WDR19: variants seen among roughly 807,000 people sequenced by gnomAD.
WDR19 encodes WD repeat domain 19.
Under a neutral mutation model 180.0 loss-of-function variants are expected in WDR19, and 121 were observed. That is an observed-to-expected ratio of 0.67 (90% confidence interval 0.58 to 0.78). The LOEUF (loss-of-function observed/expected upper bound fraction) is 0.78, where lower values mean the gene tolerates loss of function less well. WDR19 is among the 30% of genes least tolerant of loss of function. The probability of loss-of-function intolerance (pLI) is 0.00; values close to 1 mark genes in which losing one functional copy is unlikely to be tolerated. For missense variants in WDR19, 1,450 were observed against 1,640.7 expected (o/e 0.88, Z 2.01); for synonymous variants, 497 against 540.7 (o/e 0.92, Z 1.12).
At chr4:39,199,706 A>G (rs1395292299) in intron 6 of WDR19, 113 bp downstream of exon 6, 8 of 778,636 alleles carry the variant, frequency 1.0e-5, no homozygotes, top group Middle Eastern at 2.6e-4. Flanking sequence ...TGAGGTATAT[A>G]TGTGTGTGTG....
At chr4:39,245,260 A>G in intron 23 of WDR19, 109 bp from the exon 24 acceptor site, 1 of 885,566 alleles carries the variant, frequency 1.1e-6, no homozygotes, top group South Asian at 2.2e-5. Context: ...GATTTTTGAA[A>G]GATAGTAATA....
chr4:39,225,079 T>A (rs1447505640), intron 15 of WDR19, 46 bp downstream of exon 15: 3 of 1,443,566 alleles, frequency 2.1e-6, no homozygotes, highest in Admixed American at 6.0e-5. Context: ...AAATGCAATA[T>A]AGGGAAAAAA....
chr4:39,184,560 G>A (rs901893602), intron 1 of WDR19, among the ~76,000 whole-genome samples: 2 of 151,932 alleles, frequency 1.3e-5, no homozygotes, highest in African/African-American at 2.4e-5. Context: ...TCCACCTCCC[G>A]GGTTCAAGGG....
rs113643383 is a variant in WDR19 at position 39,204,658 on chromosome 4, A to G, written c.604-496A>G. 3.2e-3 allele frequency among the ~76,000 whole-genome samples: 490 copies of G among 152,338 alleles called. 5 individuals carry two copies. Among genetic ancestry groups the G allele is most frequent in the African/African-American group, 0.011 (448 of 41,574 alleles). On this transcript the variant is annotated intron_variant, in intron 7 of 36. Transcript: ENST00000399820. Reference sequence around the variant, plus strand: ...GAATTACACTTAAGAATTTACTTGCATGAGTAGCAAAGAGACACTAGTTTA... The same window carrying G: ...GAATTACACTTAAGAATTTACTTGCGTGAGTAGCAAAGAGACACTAGTTTA...
chr4:39,183,250 C>CTTTTTTTTT (rs113490249), intron 1 of WDR19, among the ~76,000 whole-genome samples: 2,898 of 79,154 alleles, frequency 0.037, 673 homozygotes, highest in African/African-American at 0.14. Flanking sequence ...AAATGGAAGG[C>CTTTTTTTTT]TTTTTTTTTT....
chr4:39,262,262 TC>T (rs1282509966), intron 28 of WDR19, among the ~76,000 whole-genome samples: 1 of 152,036 alleles, frequency 6.6e-6, no homozygotes, highest in Admixed American at 6.6e-5. Flanking sequence ...GCCACTTTTT[TC>T]CCCCCGTTTT....
chr4:39,193,922 T>C (rs1485392420), intron 4 of WDR19, among the ~76,000 whole-genome samples: 2 of 152,240 alleles, frequency 1.3e-5, no homozygotes, highest in Non-Finnish European at 2.9e-5. Flanking sequence ...ACCACTGTTC[T>C]TGACTCATTG....
rs775672960 is a variant in WDR19, at chr4:39,268,068, T to C, written c.3335T>C (p.Ile1112Thr). 3 of 1,597,254 alleles carry C rather than the reference T, an allele frequency of 1.9e-6. No homozygotes were observed. The highest frequency in any genetic ancestry group is 4.5e-5 in the East Asian group (2 of 44,326). ...YREAAQTAII[I>T]AREEQSAGNY... ...GAAGCTGCCCAGACTGCCATCATCA[T>C]TGCCAGAGAAGAGCAGTCTGCAGGT... The change falls in exon 30 of 37, where the codon ATT becomes ACT. Residue 1112 changes from isoleucine to threonine, a missense_variant. Coordinates refer to ENST00000399820, the MANE Select transcript of WDR19 (RefSeq NM_025132.4).
chr4:39,236,286 CACACACACAG>C (rs1731371617), intron 20 of WDR19, among the ~76,000 whole-genome samples: 1 of 152,138 alleles, frequency 6.6e-6, no homozygotes, highest in Non-Finnish European at 1.5e-5. Context: ...TACACACACA[CACACACACAG>C]ACACACACAC....
chr4:39,248,625 A>T lies in WDR19; in HGVS notation c.2729+3173A>T, dbSNP rs528407497. Among the ~76,000 whole-genome samples, 4 of 152,328 alleles carry T rather than the reference A, an allele frequency of 2.6e-5. No individual in the cohort carries two copies. In the East Asian group the frequency reaches 7.7e-4, roughly 29 times the overall value. ...GGAGACCCATCTCACGTGCAGAGAC[A>T]CACATAGGCTCAAAATAAAGGGATG... On this transcript the variant is annotated intron_variant, in intron 24 of 36. Transcript: ENST00000399820.
chr4:39,192,888 A>G (rs1254408698), intron 4 of WDR19, among the ~76,000 whole-genome samples: 2 of 152,126 alleles, frequency 1.3e-5, no homozygotes, highest in Non-Finnish European at 2.9e-5. Flanking sequence ...TCCCTCACTC[A>G]GTCATTGTCT....
At chr4:39,199,654 T>C (rs1306793187) in intron 6 of WDR19, 61 bp downstream of exon 6, 2 of 1,369,006 alleles carry the variant, frequency 1.5e-6, no homozygotes, top group African/African-American at 2.9e-5. Context: ...ATAAATAGTT[T>C]GTCTGTCAAA....
intron 20 of WDR19, among the ~76,000 whole-genome samples, chr4:39,236,845 A>G (rs1029717045): frequency 6.6e-6 from 1 of 152,220 alleles, no homozygotes; most frequent in South Asian, 2.1e-4. Context: ...TAATTGCTAG[A>G]CCCTCTTAAT....
intron 21 of WDR19, 39 bp downstream of exon 21, chr4:39,240,373 T>A: frequency 1.6e-6 from 2 of 1,254,502 alleles, no homozygotes; most frequent in South Asian, 4.2e-5. Flanking sequence ...TAATTATGTC[T>A]GGGTTTGTTT....
In WDR19 at chr4:39,228,623, A is replaced by C. The variant is rs150649460; in HGVS notation, c.1915A>C (p.Ser639Arg). Residue 639 changes from serine (S) to arginine (R), a missense_variant, in exon 17 of 37, where the codon AGC becomes CGC. Physicochemically the swap from Ser to Arg is moderately radical, Grantham distance 110 (BLOSUM62 -1). Transcript: ENST00000399820. ...NIYLSTHGFL[S>R]NLKDTGPDEL... ...CTACCTTAGCACCCATGGCTTTCTC[A>C]GCAACTTAAAAGATACGGGGCCTGA... 1.9e-6 allele frequency: 3 copies of C among 1,613,300 alleles called. No individual in the cohort carries two copies. Among genetic ancestry groups the C allele is most frequent in the Non-Finnish European group, 2.5e-6 (3 of 1,179,444 alleles).
At chr4:39,282,637 A>G (rs1258196163) in intron 36 of WDR19, among the ~76,000 whole-genome samples, 2 of 152,062 alleles carry the variant, frequency 1.3e-5, no homozygotes, top group African/African-American at 2.4e-5. Flanking sequence ...ACCTCAGGTA[A>G]TCCACCCACC....
chr4:39,193,107 C>A (rs1302925381), intron 4 of WDR19, among the ~76,000 whole-genome samples: 1 of 151,930 alleles, frequency 6.6e-6, no homozygotes, highest in African/African-American at 2.4e-5. Flanking sequence ...AATAGAAGAA[C>A]CTAGCAGCCT....
At chr4:39,189,544 A>T in intron 3 of WDR19, 112 bp from the exon 4 acceptor site, 1 of 988,602 alleles carries the variant, frequency 1.0e-6, no homozygotes, top group Non-Finnish European at 1.4e-6. Context: ...CACTTTAGAG[A>T]GTTTATTATC....
chr4:39,226,585 G>T (rs555515322), intron 15 of WDR19, among the ~76,000 whole-genome samples: 1 of 152,290 alleles, frequency 6.6e-6, no homozygotes, highest in South Asian at 2.1e-4. Flanking sequence ...AGACTGCCTG[G>T]GTTCAAATAC....
Sources: gnomAD v4.1 joint callset for allele counts (sites outside exome capture counted in the v4.1 genomes callset) on GRCh38, gnomAD v4.1.1 for gene constraint, MANE v1.5 for transcripts, NCBI Gene and HGNC (gene_info 2026-07-23, HGNC 2026-07-21) for gene names.